The following TRPC5 variants were observed in gnomAD, a reference collection of about 807,000 sequenced individuals.
TRPC5 encodes the protein transient receptor potential cation channel subfamily C member 5, also known as short transient receptor potential channel 5.
TRPC5 carries 9 observed loss-of-function variants against 56.5 expected under a neutral mutation model. The observed-to-expected ratio is 0.16, with a 90% CI of 0.10 to 0.28. The LOEUF is 0.28. TRPC5 is among the 10% of genes least tolerant of loss of function. The pLI is 1.00. For missense variants in TRPC5, 469 were observed against 748.9 expected (o/e 0.63, Z 4.36); for synonymous variants, 282 against 278.5 (o/e 1.01, Z -0.13).
intron 7 of TRPC5, among the ~76,000 whole-genome samples, chrX:111,788,510 A>G (rs933654995): frequency 6.2e-5 from 7 of 112,142 alleles, no homozygotes; most frequent in African/African-American, 2.3e-4. Flanking sequence ...GCACAAGTCA[A>G]GGATGCCCTC....
intron 1 of TRPC5, among the ~76,000 whole-genome samples, chrX:111,984,195 G>A (rs181658384): frequency 2.4e-3 from 264 of 111,360 alleles, no homozygotes; most frequent in Non-Finnish European, 3.8e-3. Context: ...AAGGGCCTGC[G>A]CTGTGATTCA....
intron 3 of TRPC5, among the ~76,000 whole-genome samples, chrX:111,866,046 T>C (rs1257574982): frequency 1.8e-5 from 2 of 113,053 alleles, no homozygotes. Context: ...TCACATTTCT[T>C]GGTAAATGGT....
At chrX:111,917,976 C>T (rs766441049) in intron 2 of TRPC5, among the ~76,000 whole-genome samples, 1 of 112,561 alleles carries the variant, frequency 8.9e-6, no homozygotes, top group Admixed American at 9.4e-5. Context: ...TATCCCAAGC[C>T]TCTTTAATGA....
chrX:111,996,355 G>C (rs1284837322), intron 1 of TRPC5, among the ~76,000 whole-genome samples: 1 of 112,108 alleles, frequency 8.9e-6, no homozygotes, highest in Non-Finnish European at 1.9e-5. Flanking sequence ...GAGACAGTTT[G>C]TTGTGATTTC....
chrX:111,989,717 G>C lies in TRPC5; in HGVS notation c.-21-37276C>G, dbSNP rs780540271. ...GTAAATATGAATCAAGAGAGAATTG[G>C]ATAAAGAAAATGTGATGCTTTCACA... On this transcript the variant is annotated intron_variant, in intron 1 of 10. Coordinates refer to ENST00000262839, the MANE Select transcript of TRPC5 (RefSeq NM_012471.3). Among the ~76,000 whole-genome samples the C allele has an allele frequency of 6.2e-5, 7 of 112,045 alleles. No individual in the cohort carries two copies. In the South Asian group the frequency reaches 2.6e-3, roughly 42 times the overall value.
intron 1 of TRPC5, among the ~76,000 whole-genome samples, chrX:111,956,627 G>A (rs1292519603): frequency 9.0e-6 from 1 of 111,349 alleles, no homozygotes; most frequent in East Asian, 2.8e-4. Context: ...TCGTGGGAAA[G>A]TTATGGGGTT....
intron 1 of TRPC5, among the ~76,000 whole-genome samples, chrX:112,067,851 G>C (rs1199452102): frequency 1.8e-5 from 2 of 112,269 alleles, no homozygotes; most frequent in East Asian, 5.6e-4. Context: ...AGCTGTCAAG[G>C]TCACTGCATC....
At chrX:111,948,609 C>A (rs1170140444) in intron 2 of TRPC5, among the ~76,000 whole-genome samples, 1 of 109,090 alleles carries the variant, frequency 9.2e-6, no homozygotes, top group Non-Finnish European at 1.9e-5. Context: ...GTGTGCACCT[C>A]TAGTCCCAGC....
intron 3 of TRPC5, among the ~76,000 whole-genome samples, chrX:111,879,239 G>T (rs1924091928): frequency 8.9e-6 from 1 of 112,212 alleles, no homozygotes; most frequent in Non-Finnish European, 1.9e-5. Context: ...TAAAAAAAAG[G>T]TAGAGAAGGT....
intron 3 of TRPC5, among the ~76,000 whole-genome samples, chrX:111,875,630 A>G (rs756790372): frequency 8.3e-5 from 8 of 96,735 alleles, no homozygotes; most frequent in South Asian, 5.0e-4. Context: ...TTGCACTTCA[A>G]TGGACTCTGA....
chrX:112,010,626 C>A (rs1249269789), intron 1 of TRPC5, among the ~76,000 whole-genome samples: 1 of 110,725 alleles, frequency 9.0e-6, no homozygotes, highest in Non-Finnish European at 1.9e-5. Context: ...CACACAATAT[C>A]ATTTATACAC....
chrX:111,790,300 A>G (rs1268914223), intron 7 of TRPC5, among the ~76,000 whole-genome samples: 2 of 111,557 alleles, frequency 1.8e-5, no homozygotes, highest in East Asian at 2.8e-4. Flanking sequence ...TCAGCAAACT[A>G]TCACAAGGAC....
intron 7 of TRPC5, among the ~76,000 whole-genome samples, chrX:111,819,485 G>A (rs778326025): frequency 9.0e-6 from 1 of 111,191 alleles, no homozygotes; most frequent in African/African-American, 3.3e-5. Flanking sequence ...CTTTCCACTG[G>A]GGAGTGAGGG....
intron 3 of TRPC5, among the ~76,000 whole-genome samples, chrX:111,883,869 C>T (rs770958215): frequency 8.9e-5 from 10 of 112,725 alleles, no homozygotes; most frequent in African/African-American, 2.9e-4. Context: ...CTAATCAGAA[C>T]TTAGTTAAGA....
chrX:111,831,556 T>C (rs1289983742), intron 7 of TRPC5, among the ~76,000 whole-genome samples: 3 of 112,018 alleles, frequency 2.7e-5, no homozygotes, highest in Admixed American at 1.9e-4. Flanking sequence ...GAAGAGTCCA[T>C]TCATCATCTG....
At chrX:111,921,159 A>G (rs974068403) in intron 2 of TRPC5, among the ~76,000 whole-genome samples, 1 of 111,687 alleles carries the variant, frequency 9.0e-6, no homozygotes, top group South Asian at 3.8e-4. Flanking sequence ...CCAGACAGTA[A>G]TTGATACTCT....
At chrX:111,821,862 C>G (rs773786548) in intron 7 of TRPC5, among the ~76,000 whole-genome samples, 1 of 111,320 alleles carries the variant, frequency 9.0e-6, no homozygotes, top group African/African-American at 3.3e-5. Context: ...AGTAGGAAGG[C>G]TAAGTATTCC....
intron 1 of TRPC5, among the ~76,000 whole-genome samples, chrX:111,984,519 G>T (rs1194949250): frequency 8.9e-6 from 1 of 111,894 alleles, no homozygotes; most frequent in Non-Finnish European, 1.9e-5. Context: ...ATCTTGAAAG[G>T]CTTCACACCA....
intron 7 of TRPC5, among the ~76,000 whole-genome samples, chrX:111,783,947 A>G (rs1945939816): frequency 1.8e-5 from 2 of 111,552 alleles, no homozygotes; most frequent in Admixed American, 9.6e-5. Context: ...TAATTTTTCT[A>G]TAAGGGAAGA....
Sources: allele counts gnomAD v4.1 joint callset (sites outside exome capture counted in the v4.1 genomes callset), GRCh38; gene constraint gnomAD v4.1.1; transcripts MANE v1.5; gene names NCBI Gene and HGNC (gene_info 2026-07-23, HGNC 2026-07-21).